Variants in TIPARP observed in about 807,000 individuals in gnomAD.
TIPARP encodes protein mono-ADP-ribosyltransferase TIPARP.
In TIPARP, 12 loss-of-function variants were observed where a neutral mutation model predicts 56.5. That is an observed-to-expected ratio of 0.21 (90% CI 0.14 to 0.34). The LOEUF (loss-of-function observed/expected upper bound fraction) is 0.34, where lower values mean the gene tolerates loss of function less well. TIPARP is among the 10% of genes least tolerant of loss of function. TIPARP has a pLI of 1.00. For missense variants in TIPARP, 604 were observed against 781.6 expected, an observed-to-expected ratio of 0.77 and a Z score of 2.71; for synonymous variants, 296 against 265.7, an observed-to-expected ratio of 1.11 and a Z score of -1.11.
chr3:156,700,971 C>T (rs1177767178), intron 4 of TIPARP, among the ~76,000 whole-genome samples: 2 of 152,202 alleles, frequency 1.3e-5, no homozygotes, highest in African/African-American at 4.8e-5. Context: ...TGAATACAAA[C>T]TCATTCTCAG....
chr3:156,688,944 TAATAA>T (rs1209856178), intron 2 of TIPARP, among the ~76,000 whole-genome samples: 10 of 152,294 alleles, frequency 6.6e-5, no homozygotes, highest in Non-Finnish European at 1.3e-4. Flanking sequence ...TACATCATAA[TAATAA>T]AATAAAAGGA....
chr3:156,686,776 AGTT>A (rs1041582968), intron 2 of TIPARP, among the ~76,000 whole-genome samples: 2 of 152,180 alleles, frequency 1.3e-5, no homozygotes, highest in Non-Finnish European at 2.9e-5. Flanking sequence ...TATAACTAGT[AGTT>A]ATGTGTAAAT....
At chr3:156,675,663 C>T (rs1722105414) in intron 1 of TIPARP, 1 of 152,258 alleles carries the variant, frequency 6.6e-6, no homozygotes, top group Non-Finnish European at 1.5e-5. Flanking sequence ...AGGCGTCACT[C>T]GGACCCGGGC....
intron 2 of TIPARP, among the ~76,000 whole-genome samples, chr3:156,686,370 T>C (rs1722428656): frequency 6.6e-6 from 1 of 152,238 alleles, no homozygotes; most frequent in Non-Finnish European, 1.5e-5. Flanking sequence ...GGTTTTGTTA[T>C]AGCTTATAAA....
intron 5 of TIPARP, among the ~76,000 whole-genome samples, chr3:156,704,011 T>TC (rs1354256143): frequency 1.8e-4 from 3 of 16,684 alleles, no homozygotes; most frequent in Non-Finnish European, 4.5e-4. Flanking sequence ...AGACTCCGTC[T>TC]CAAAAAAAAA....
chr3:156,688,489 C>G (rs1553770835), intron 2 of TIPARP, among the ~76,000 whole-genome samples: 1 of 149,176 alleles, frequency 6.7e-6, no homozygotes, highest in Non-Finnish European at 1.5e-5. Flanking sequence ...GCCGCCCCCC[C>G]CCGCAATAAG....
chr3:156,699,305 A>G (rs1389334664), intron 4 of TIPARP, among the ~76,000 whole-genome samples: 1 of 152,222 alleles, frequency 6.6e-6, no homozygotes, highest in Non-Finnish European at 1.5e-5. Context: ...ACTGCATGCA[A>G]CAGAAATCTT....
At chr3:156,678,702 A>G (rs1461957097) in intron 2 of TIPARP, 88 bp downstream of exon 2, 1 of 1,177,590 alleles carries the variant, frequency 8.5e-7, no homozygotes, top group Non-Finnish European at 1.2e-6. Context: ...GGTTTCTTTC[A>G]GTAGTAACAG....
At chr3:156,701,885 A>G (rs1722851864) in intron 4 of TIPARP, among the ~76,000 whole-genome samples, 2 of 152,246 alleles carry the variant, frequency 1.3e-5, no homozygotes, top group Admixed American at 1.3e-4. Context: ...TCTGTCTCAC[A>G]AAGAGACTTT....
At chr3:156,694,250 C>A (rs1372576519) in intron 3 of TIPARP, 62 bp downstream of exon 3, 8 of 1,433,430 alleles carry the variant, frequency 5.6e-6, no homozygotes, top group African/African-American at 1.5e-5. Context: ...TTCCTGTATT[C>A]TTTTATTCTT....
At chr3:156,677,304 T>C (rs1246637850) in intron 1 of TIPARP, among the ~76,000 whole-genome samples, 1 of 152,176 alleles carries the variant, frequency 6.6e-6, no homozygotes, top group African/African-American at 2.4e-5. Context: ...CCTGCTGTCA[T>C]CATCTAGATA....
chr3:156,706,628 C>T lies in TIPARP; in HGVS notation c.*1497C>T, dbSNP rs1259866270. ...TAAACCAGTGACTCCTAATCTTTTT[C>T]AAGTTAAGACACCTTACCATTGCTT... is the stretch of plus-strand genomic sequence containing the variant. On this transcript the variant is annotated 3_prime_UTR_variant, in exon 6 of 6. Transcript: ENST00000295924. 1.3e-5 allele frequency: 2 copies of T among 152,642 alleles called. No homozygotes were observed. The highest frequency in any genetic ancestry group is 2.9e-5 in the Non-Finnish European group (2 of 68,040). The allele number at this position is 152,642 out of a possible 1,614,324, so 9.5% of individuals were successfully genotyped here.
intron 2 of TIPARP, among the ~76,000 whole-genome samples, chr3:156,688,136 C>G (rs1722474662): frequency 6.6e-6 from 1 of 152,102 alleles, no homozygotes; most frequent in Non-Finnish European, 1.5e-5. Flanking sequence ...CGCCTGTAAT[C>G]TTAGCTTTTT....
intron 2 of TIPARP, among the ~76,000 whole-genome samples, chr3:156,690,330 T>C (rs1271490839): frequency 6.6e-6 from 1 of 152,170 alleles, no homozygotes; most frequent in Non-Finnish European, 1.5e-5. Context: ...AATACTAAGA[T>C]ATTAGTATAC....
intron 2 of TIPARP, among the ~76,000 whole-genome samples, chr3:156,685,869 T>C (rs1402161900): frequency 6.6e-6 from 1 of 152,200 alleles, no homozygotes; most frequent in Non-Finnish European, 1.5e-5. Context: ...GAATCTTGCA[T>C]GCACCCTGTG....
At chr3:156,687,266 C>T (rs1722453646) in intron 2 of TIPARP, among the ~76,000 whole-genome samples, 1 of 152,166 alleles carries the variant, frequency 6.6e-6, no homozygotes, top group African/African-American at 2.4e-5. Flanking sequence ...GGCTGTATGA[C>T]ATTTCTGGTA....
chr3:156,704,038 A>C (rs544254784), intron 5 of TIPARP, among the ~76,000 whole-genome samples: 148 of 150,636 alleles, frequency 9.8e-4, no homozygotes, highest in African/African-American at 3.4e-3. Flanking sequence ...AAAGTTCAAG[A>C]ATCAAGAGAG....
intron 2 of TIPARP, among the ~76,000 whole-genome samples, chr3:156,679,867 C>A (rs914360391): frequency 5.9e-5 from 9 of 152,184 alleles, no homozygotes; most frequent in African/African-American, 1.9e-4. Flanking sequence ...TTCATGTCAA[C>A]CTTCTGAATT....
chr3:156,676,289 G>C (rs1722125012), intron 1 of TIPARP, among the ~76,000 whole-genome samples: 1 of 152,038 alleles, frequency 6.6e-6, no homozygotes, highest in Non-Finnish European at 1.5e-5. Flanking sequence ...TCCTTTTTCT[G>C]CCTTTTCCTT....
Sources: gnomAD v4.1 joint callset for allele counts (sites outside exome capture counted in the v4.1 genomes callset) on GRCh38, gnomAD v4.1.1 for gene constraint, MANE v1.5 for transcripts, NCBI Gene and HGNC (gene_info 2026-07-23, HGNC 2026-07-21) for gene names.